POLR2F: variants seen among roughly 807,000 people sequenced by gnomAD.
POLR2F encodes RNA polymerase II, I and III subunit F.
In POLR2F, 12 loss-of-function variants were observed where a neutral mutation model predicts 22.7. The observed-to-expected ratio is 0.53, with a 90% CI of 0.34 to 0.86. POLR2F has a LOEUF of 0.86. POLR2F is among the 40% of genes least tolerant of loss of function. POLR2F has a pLI of 0.02. For missense variants in POLR2F, 126 were observed against 171.5 expected (o/e 0.73, Z 1.48); for synonymous variants, 57 against 66.0 (o/e 0.86, Z 0.66).
intron 1 of POLR2F, among the ~76,000 whole-genome samples, chr22:37,992,389 T>G (rs1200093640): frequency 1.3e-5 from 2 of 151,740 alleles, no homozygotes; most frequent in African/African-American, 4.9e-5. Flanking sequence ...CATTGCTTCT[T>G]CTTTTTTTTT....
chr22:37,971,747 C>T (rs551972924), downstream of POLR2F, among the ~76,000 whole-genome samples: 1 of 152,168 alleles, frequency 6.6e-6, no homozygotes, highest in South Asian at 2.1e-4. Context: ...GCAGGCAGCA[C>T]GGTGTCACCC....
downstream of POLR2F, chr22:37,971,239 G>T (rs903391649): frequency 8.5e-6 from 4 of 471,154 alleles, no homozygotes; most frequent in South Asian, 6.2e-5. Context: ...GTCAGAGCTG[G>T]GTTCAGATTC....
At position 37,986,714 on chromosome 22, in the gene POLR2F, G is replaced by A. The variant is rs1932591562; in HGVS notation, c.120+402G>A. On this transcript the variant is annotated intron_variant, in intron 1 of 2. Coordinates refer to the POLR2F transcript ENST00000333418. The surrounding 1 kb of genome is among the most constrained non-coding windows in gnomAD (Gnocchi z 4.7). ...GCAGGTGGGCCTGCAGGGCGGGTGGGAAGGGCTGTCAGATGACCAGTGCTG... is the reference window on the plus strand; with the variant it reads ...GCAGGTGGGCCTGCAGGGCGGGTGGAAAGGGCTGTCAGATGACCAGTGCTG... 2.1e-6 allele frequency: 1 copy of A among 477,578 alleles called. No homozygotes were observed. Among genetic ancestry groups the A allele is most frequent in the Non-Finnish European group, 4.1e-6 (1 of 244,092 alleles). 29.6% of individuals were successfully genotyped at this position (477,578 alleles called of 1,614,324 possible). A position where few individuals can be genotyped will look rare whatever the true frequency, so the allele number is the denominator to read the frequency against.
intron 3 of POLR2F, among the ~76,000 whole-genome samples, chr22:37,964,549 GTTTTTC>G (rs1931775939): frequency 6.7e-6 from 1 of 149,376 alleles, no homozygotes; most frequent in African/African-American, 2.5e-5. Context: ...CAAGTGTCCT[GTTTTTC>G]TTTTCTTTCT....
intron 4 of POLR2F, 182 bp from the exon 5 acceptor site, chr22:37,967,443 C>A (rs1931900633): frequency 5.6e-6 from 8 of 1,435,778 alleles, no homozygotes; most frequent in Non-Finnish European, 7.3e-6. Context: ...ATTCTTCCCC[C>A]TCTTGTCTGA....
chr22:37,957,372 G>A (rs1483205009), intron 2 of POLR2F, among the ~76,000 whole-genome samples: 1 of 152,172 alleles, frequency 6.6e-6, no homozygotes, highest in Non-Finnish European at 1.5e-5. Context: ...ATAGGTGCTG[G>A]TAGTGCAGGT....
In POLR2F at chr22:38,016,899, C is replaced by T. The variant is rs1018365206; in HGVS notation, c.121-8970C>T. Among the ~76,000 whole-genome samples, 2 of 151,754 alleles carry T rather than the reference C, an allele frequency of 1.3e-5. No individual in the cohort carries two copies. Among genetic ancestry groups the T allele is most frequent in the Non-Finnish European group, 2.9e-5 (2 of 67,968 alleles). On this transcript the variant is annotated intron_variant, in intron 1 of 2. Transcript: ENST00000333418. This position sits in a 1 kb window ranked among gnomAD's most constrained non-coding sequence, Gnocchi z 4.4. ...AGAAAAGAAAGAGCAGAGCAAGGGC[C>T]TGGTGTGGATTGATGTCTGGGCCTG...
intron 5 of POLR2F, among the ~76,000 whole-genome samples, chr22:38,038,839 G>A (rs1457711868): frequency 1.4e-5 from 2 of 143,442 alleles, no homozygotes; most frequent in East Asian, 2.4e-4. Flanking sequence ...TGGCGGCCGC[G>A]GCGCCCTCCC....
downstream of POLR2F, chr22:37,971,239 G>A (rs903391649): frequency 3.0e-5 from 14 of 471,036 alleles, no homozygotes; most frequent in Admixed American, 2.8e-4. Flanking sequence ...GTCAGAGCTG[G>A]GTTCAGATTC....
At chr22:37,970,439 TAAA>T (rs139882), downstream of POLR2F, among the ~76,000 whole-genome samples, 21 of 128,894 alleles carry the variant, frequency 1.6e-4, no homozygotes, top group African/African-American at 6.2e-4. Context: ...TGTCTCTACT[TAAA>T]AAAAAAAAAA....
Position 38,031,995 on chromosome 22 carries a change from TTTTTC to T in POLR2F, c.453-9068_453-9064del, listed in dbSNP as rs2085070252. On this transcript the variant is annotated intron_variant, in intron 5 of 5. Coordinates refer to the POLR2F transcript ENST00000407936. This position sits in a 1 kb window ranked among gnomAD's most constrained non-coding sequence, Gnocchi z 4.1. The stretch of plus-strand genomic sequence containing the variant: ...TCTGGAGATTTTGTCCAGTTTCTTT[TTTTTC>T]TTTTACTTTTTTTTTGAGACAGGGT... Among the ~76,000 whole-genome samples the T allele has an allele frequency of 6.6e-6, 1 of 152,104 alleles. No individual in the cohort carries two copies. Among genetic ancestry groups the T allele is most frequent in the Non-Finnish European group, 1.5e-5 (1 of 68,022 alleles).
At chr22:38,001,458 T>C (rs952906795) in intron 1 of POLR2F, among the ~76,000 whole-genome samples, 2 of 152,234 alleles carry the variant, frequency 1.3e-5, no homozygotes, top group South Asian at 2.1e-4. Context: ...TTTATTCATT[T>C]TGGGGACACA....
chr22:38,036,850 C>T (rs1343220561), intron 5 of POLR2F, among the ~76,000 whole-genome samples: 1 of 152,118 alleles, frequency 6.6e-6, no homozygotes, highest in African/African-American at 2.4e-5. Context: ...CTAAACTCAA[C>T]AGCACATTCC....
chr22:38,014,138 A>G (rs574710465), intron 1 of POLR2F, among the ~76,000 whole-genome samples: 34 of 151,548 alleles, frequency 2.2e-4, no homozygotes, highest in Admixed American at 1.1e-3. Context: ...AAAAAAAAAA[A>G]AAAGAAAAAA....
In POLR2F at chr22:37,997,155, G is replaced by A. The variant is rs530004774; in HGVS notation, c.120+10843G>A. Reference sequence around the variant, plus strand: ...ACCTGCCAGGAACAAACACAGAGGGGCCTGGGAGGGCCCTGAGCTTCCCAG... The same window carrying A: ...ACCTGCCAGGAACAAACACAGAGGGACCTGGGAGGGCCCTGAGCTTCCCAG... On this transcript the variant is annotated intron_variant, in intron 1 of 2. Transcript: ENST00000333418. This position sits in a 1 kb window ranked among gnomAD's most constrained non-coding sequence, Gnocchi z 4.4. Among the ~76,000 whole-genome samples the A allele has an allele frequency of 3.2e-4, 48 of 152,198 alleles. 1 individual carries two copies. In the South Asian group the frequency reaches 9.3e-3, roughly 30 times the overall value.
At chr22:38,010,317 G>A (rs1032905043) in intron 1 of POLR2F, among the ~76,000 whole-genome samples, 2 of 151,942 alleles carry the variant, frequency 1.3e-5, no homozygotes, top group Non-Finnish European at 2.9e-5. Context: ...TGAGGTTGCA[G>A]TGAGCTATGA....
rs574623942 is a variant in POLR2F, at chr22:37,995,671, G to A, written c.120+9359G>A. Among the ~76,000 whole-genome samples, 3 of 152,170 alleles carry A rather than the reference G, an allele frequency of 2.0e-5. No individual in the cohort carries two copies. The South Asian group carries it at 6.2e-4, about 32-fold the overall frequency. The stretch of plus-strand genomic sequence containing the variant: ...AATGAATGAGTGGTGAGGACAGAAT[G>A]GGGGGTAAAAAGCTGGGAGAGGCAG... On this transcript the variant is annotated intron_variant, in intron 1 of 2. Coordinates refer to the POLR2F transcript ENST00000333418.
intron 1 of POLR2F, among the ~76,000 whole-genome samples, chr22:37,989,553 G>A (rs1464755480): frequency 2.0e-5 from 3 of 152,190 alleles, no homozygotes; most frequent in African/African-American, 7.2e-5. Flanking sequence ...CAGCGAAGGC[G>A]ACACTCTAGG....
chr22:38,002,809 T>G lies in POLR2F; in HGVS notation c.120+16497T>G, dbSNP rs529277831. Among the ~76,000 whole-genome samples, 4 of 150,738 alleles carry G rather than the reference T, an allele frequency of 2.7e-5. No individual in the cohort carries two copies. In the East Asian group the frequency reaches 5.9e-4, roughly 22 times the overall value. On this transcript the variant is annotated intron_variant, in intron 1 of 2. Coordinates refer to the POLR2F transcript ENST00000333418. ...GGCGCCATCTCAGCTCACTGCAAGC[T>G]CCGCCTCCTGGGTTCACGCCATTCT...
Sources: allele counts gnomAD v4.1 joint callset (sites outside exome capture counted in the v4.1 genomes callset), GRCh38; gene constraint gnomAD v4.1.1; non-coding constraint Gnocchi (gnomAD v3.1); transcripts MANE v1.5; gene names NCBI Gene and HGNC (gene_info 2026-07-23, HGNC 2026-07-21).